ADAMTSL1: variants seen among roughly 807,000 people sequenced by gnomAD.
The protein encoded by ADAMTSL1 is ADAMTS like 1.
A neutral mutation model predicts 201.8 loss-of-function variants in ADAMTSL1; 126 were observed. The ratio of observed to expected loss-of-function variants is 0.62; its 90% CI spans 0.54 to 0.72. The LOEUF is 0.72. ADAMTSL1 is among the 30% of genes least tolerant of loss of function. The pLI is 0.00. For synonymous variants in ADAMTSL1, 1,121 were observed against 903.4 expected, an observed-to-expected ratio of 1.24 and a Z score of -4.32; for missense variants, 2,679 against 2,277.8, an observed-to-expected ratio of 1.18 and a Z score of -3.59.
At chr9:17,976,814 A>G (rs113003372) in intron 1 of ADAMTSL1, among the ~76,000 whole-genome samples, 2 of 147,832 alleles carry the variant, frequency 1.4e-5, no homozygotes, top group African/African-American at 5.0e-5. Flanking sequence ...TCTAATTTGG[A>G]TGCCTTTTAT....
At chr9:18,740,360 C>T (rs183893355) in intron 15 of ADAMTSL1, among the ~76,000 whole-genome samples, 2 of 151,876 alleles carry the variant, frequency 1.3e-5, no homozygotes, top group East Asian at 1.9e-4. Flanking sequence ...CTCCCCCACC[C>T]GCACCCACCC....
chr9:18,573,155 A>G (rs1205856633), intron 3 of ADAMTSL1, among the ~76,000 whole-genome samples: 1 of 152,212 alleles, frequency 6.6e-6, no homozygotes, highest in Non-Finnish European at 1.5e-5. Context: ...TTTACAATTC[A>G]AATTGAGAGA....
intron 1 of ADAMTSL1, among the ~76,000 whole-genome samples, chr9:17,965,250 T>C (rs1379705257): frequency 6.6e-6 from 1 of 152,108 alleles, no homozygotes; most frequent in African/African-American, 2.4e-5. Flanking sequence ...AGGGAGAAAA[T>C]AGTTTTATAC....
chr9:18,028,261 T>G (rs1820785597), intron 1 of ADAMTSL1, among the ~76,000 whole-genome samples: 1 of 152,154 alleles, frequency 6.6e-6, no homozygotes, highest in Non-Finnish European at 1.5e-5. Flanking sequence ...CAATGTGTAC[T>G]TAAGTGTGTT....
At chr9:17,991,866 G>T (rs916887314) in intron 1 of ADAMTSL1, among the ~76,000 whole-genome samples, 2 of 152,078 alleles carry the variant, frequency 1.3e-5, no homozygotes, top group African/African-American at 4.8e-5. Context: ...TCCCTCGGGG[G>T]TGCTTCCTTG....
chr9:18,396,843 G>A (rs376544133), intron 2 of ADAMTSL1, among the ~76,000 whole-genome samples: 449 of 152,190 alleles, frequency 3.0e-3, no homozygotes, highest in Middle Eastern at 6.8e-3. Context: ...TTCAGCCTGG[G>A]CAACAGAACA....
rs559574432 is a variant in ADAMTSL1, at chr9:18,403,720, T to C, written c.208-101109T>C. ...CAATTTGTCTTTCCTCACCACACTG[T>C]CTCCTCCATCTCATATTTTTGTTGC... On this transcript the variant is annotated intron_variant, in intron 2 of 29. Coordinates refer to the ADAMTSL1 transcript ENST00000680146. 9.9e-5 allele frequency among the ~76,000 whole-genome samples: 15 copies of C among 152,280 alleles called. No individual in the cohort carries two copies. In the South Asian group the frequency reaches 3.1e-3, roughly 32 times the overall value.
chr9:18,665,698 G>A (rs949954725), intron 9 of ADAMTSL1, among the ~76,000 whole-genome samples: 3 of 151,566 alleles, frequency 2.0e-5, no homozygotes, highest in East Asian at 1.9e-4. Flanking sequence ...CTCATTTTTT[G>A]TTCCTCCTCC....
rs7043089 is a variant in ADAMTSL1, at chr9:18,100,056, T to C, written c.88-63806T>C. Among the ~76,000 whole-genome samples the C allele has an allele frequency of 6.7e-3, 1,013 of 152,322 alleles. 16 individuals carry two copies. The highest frequency in any genetic ancestry group is 0.023 in the African/African-American group (971 of 41,576). ...CAGTCACTTCATTTCTGAGTTTTTC[T>C]AATTCGGAATTAATATAATTTATGT... is the stretch of plus-strand genomic sequence containing the variant. On this transcript the variant is annotated intron_variant, in intron 1 of 29. Transcript: ENST00000680146.
At chr9:18,251,881 A>G (rs546078930) in intron 2 of ADAMTSL1, among the ~76,000 whole-genome samples, 7 of 152,316 alleles carry the variant, frequency 4.6e-5, no homozygotes, top group South Asian at 2.1e-4. Flanking sequence ...ATTTGGTTCA[A>G]CTAAATAAAA....
intron 1 of ADAMTSL1, among the ~76,000 whole-genome samples, chr9:18,476,216 C>G (rs1357398554): frequency 6.6e-6 from 1 of 152,088 alleles, no homozygotes; most frequent in African/African-American, 2.4e-5. Context: ...TATTTTGTGT[C>G]TGAATGTGGC....
intron 13 of ADAMTSL1, among the ~76,000 whole-genome samples, chr9:18,701,987 T>C (rs1370744177): frequency 1.3e-5 from 2 of 152,182 alleles, no homozygotes; most frequent in African/African-American, 2.4e-5. Flanking sequence ...TACAGTTCCA[T>C]GTGGCTGGGG....
At chr9:17,988,656 T>G (rs1221399710) in intron 1 of ADAMTSL1, among the ~76,000 whole-genome samples, 1 of 151,820 alleles carries the variant, frequency 6.6e-6, no homozygotes, top group Non-Finnish European at 1.5e-5. Flanking sequence ...AGGGAGCCAA[T>G]TTGATAGTAA....
intron 10 of ADAMTSL1, among the ~76,000 whole-genome samples, chr9:18,679,215 A>T (rs1157164709): frequency 1.3e-5 from 2 of 152,188 alleles, no homozygotes. Flanking sequence ...CCTGTGCAAC[A>T]TTTTAAAATT....
chr9:18,582,742 T>C (rs780954167), intron 4 of ADAMTSL1, among the ~76,000 whole-genome samples: 25 of 151,700 alleles, frequency 1.6e-4, no homozygotes, highest in Non-Finnish European at 3.2e-4. Context: ...CCAGCTTCTC[T>C]GGAGGCTGAA....
At chr9:18,603,358 ATGCTATGCTATGCT>A (rs1824788669) in intron 4 of ADAMTSL1, among the ~76,000 whole-genome samples, 1 of 137,950 alleles carries the variant, frequency 7.2e-6, no homozygotes, top group Non-Finnish European at 1.6e-5. Flanking sequence ...ATGCTATGCT[ATGCTATGCTATGCT>A]ATGCTATGCT....
At chr9:18,722,367 T>G (rs566332) in intron 15 of ADAMTSL1, among the ~76,000 whole-genome samples, 1 of 152,076 alleles carries the variant, frequency 6.6e-6, no homozygotes, top group Non-Finnish European at 1.5e-5. Flanking sequence ...GTTTAAGAAC[T>G]AAATCCAGAC....
rs1446767096 is a variant in ADAMTSL1 at position 18,908,566 on chromosome 9, A to G, written c.*18A>G. ...AAGCGTGAAGATAGGGTGTGGGGAA[A>G]AACTCTACCCTGGCCACACGAAGGA... On this transcript the variant is annotated 3_prime_UTR_variant, in exon 29 of 29. Coordinates refer to ENST00000380548, the MANE Select transcript of ADAMTSL1 (RefSeq NM_001040272.6). 1 of 1,548,440 alleles carries G rather than the reference A, an allele frequency of 6.5e-7. No individual in the cohort carries two copies. Among genetic ancestry groups the G allele is most frequent in the Non-Finnish European group, 8.7e-7 (1 of 1,143,398 alleles).
intron 14 of ADAMTSL1, among the ~76,000 whole-genome samples, chr9:18,710,672 T>TTG (rs1491387671): frequency 2.8e-5 from 4 of 144,340 alleles, no homozygotes; most frequent in African/African-American, 7.7e-5. Flanking sequence ...TTTTGTTTTG[T>TTG]TTTTTTTTTT....
Sources: gnomAD v4.1 joint callset for allele counts (sites outside exome capture counted in the v4.1 genomes callset) on GRCh38, gnomAD v4.1.1 for gene constraint, MANE v1.5 for transcripts, NCBI Gene and HGNC (gene_info 2026-07-23, HGNC 2026-07-21) for gene names.